Variants in RBMS3 observed in about 807,000 individuals in gnomAD.
The protein encoded by RBMS3 is RNA-binding motif, single-stranded-interacting protein 3.
A neutral mutation model predicts 66.8 loss-of-function variants in RBMS3; 27 were observed. That is an observed-to-expected ratio of 0.40 (90% CI 0.30 to 0.56). RBMS3 has a LOEUF of 0.56. Among genes scored for constraint, RBMS3 ranks in the 20% least tolerant of loss-of-function variants. The pLI, the probability that RBMS3 is intolerant of heterozygous loss-of-function variation, is 0.40. For missense variants in RBMS3, 513 were observed against 549.5 expected, an observed-to-expected ratio of 0.93 and a Z score of 0.66; for synonymous variants, 188 against 183.0, an observed-to-expected ratio of 1.03 and a Z score of -0.22.
intron 3 of RBMS3, among the ~76,000 whole-genome samples, chr3:29,574,828 AACACACACACAC>A (rs201818764): frequency 1.5e-3 from 224 of 146,954 alleles, no homozygotes; most frequent in African/African-American, 4.0e-3. Context: ...TGCATAAGAA[AACACACACACAC>A]ACACACACAC....
intron 10 of RBMS3, among the ~76,000 whole-genome samples, chr3:29,922,202 CAG>C (rs1205847066): frequency 6.6e-6 from 1 of 152,130 alleles, no homozygotes; most frequent in African/African-American, 2.4e-5. Flanking sequence ...CAAGATATAA[CAG>C]AGGCCGGGCA....
chr3:29,603,999 C>G (rs1448317389), intron 4 of RBMS3, among the ~76,000 whole-genome samples: 3 of 151,916 alleles, frequency 2.0e-5, no homozygotes, highest in Non-Finnish European at 4.4e-5. Flanking sequence ...TTGCTACTGG[C>G]ATCTGTTCGG....
chr3:29,988,740 C>G (rs1698608909), intron 13 of RBMS3, among the ~76,000 whole-genome samples: 1 of 151,482 alleles, frequency 6.6e-6, no homozygotes, highest in African/African-American at 2.4e-5. Flanking sequence ...CTGGGTCAAA[C>G]AGTCAAACAG....
chr3:29,726,015 C>A (rs970454281), intron 4 of RBMS3, among the ~76,000 whole-genome samples: 1 of 152,206 alleles, frequency 6.6e-6, no homozygotes, highest in Non-Finnish European at 1.5e-5. Flanking sequence ...CCACCACAAT[C>A]AAGTTGGCTT....
rs1491567884 is a variant in RBMS3 at position 29,527,181 on chromosome 3, T to TTAAAAAAAAAAAAAAAAAAAA, written c.307+38682_307+38683insTAAAAAAAAAAAAAAAAAAAA. On this transcript the variant is annotated intron_variant, in intron 3 of 14. Transcript: ENST00000383767. ...TTTCAGACGTGATTGTTAGGTAGAG[T>TTAAAAAAAAAAAAAAAAAAAA]AAAAAAAAAAAAAAAAAAAAAAAAA... is the stretch of plus-strand genomic sequence containing the variant. Among the ~76,000 whole-genome samples the TTAAAAAAAAAAAAAAAAAAAA allele has an allele frequency of 8.1e-4, 71 of 87,812 alleles. 9 individuals carry two copies. The highest frequency in any genetic ancestry group is 2.1e-3 in the African/African-American group (44 of 21,070). The allele number at this position is 87,812 out of a possible 152,430, so 57.6% of individuals were successfully genotyped here. A position where few individuals can be genotyped will look rare whatever the true frequency, so the allele number is the denominator to read the frequency against.
At chr3:29,942,795 G>A (rs2061423367) in intron 11 of RBMS3, among the ~76,000 whole-genome samples, 1 of 149,860 alleles carries the variant, frequency 6.7e-6, no homozygotes, top group Non-Finnish European at 1.5e-5. Flanking sequence ...TAGTAGCATG[G>A]TCCAATAATT....
chr3:29,470,655 T>C (rs1379301150), intron 2 of RBMS3, among the ~76,000 whole-genome samples: 2 of 152,030 alleles, frequency 1.3e-5, no homozygotes, highest in African/African-American at 4.8e-5. Flanking sequence ...AGTAGACATG[T>C]ACATTGGTAA....
intron 6 of RBMS3, among the ~76,000 whole-genome samples, chr3:29,763,413 G>C (rs1357637776): frequency 1.3e-5 from 2 of 152,038 alleles, no homozygotes; most frequent in African/African-American, 4.8e-5. Context: ...CACAGAAACT[G>C]AGAGAAAGCA....
At chr3:29,548,513 A>T (rs1340424209) in intron 3 of RBMS3, among the ~76,000 whole-genome samples, 2 of 151,958 alleles carry the variant, frequency 1.3e-5, no homozygotes, top group Non-Finnish European at 2.9e-5. Context: ...ATTAAAATAA[A>T]TATATATGAT....
chr3:29,682,142 ATGTTTGTT>A (rs201155024), intron 4 of RBMS3, among the ~76,000 whole-genome samples: 22 of 151,992 alleles, frequency 1.4e-4, no homozygotes, highest in African/African-American at 5.3e-4. Flanking sequence ...AGGCAATTAG[ATGTTTGTT>A]TGTTTGTTTG....
At chr3:29,412,473 A>G (rs2040305308) in intron 1 of RBMS3, among the ~76,000 whole-genome samples, 1 of 152,214 alleles carries the variant, frequency 6.6e-6, no homozygotes, top group East Asian at 1.9e-4. Context: ...CCATGTTTTC[A>G]TAGATACATA....
chr3:29,427,156 G>A (rs1404368839), intron 1 of RBMS3, among the ~76,000 whole-genome samples: 2 of 152,162 alleles, frequency 1.3e-5, no homozygotes, highest in Non-Finnish European at 2.9e-5. Flanking sequence ...CTAGCTTTGG[G>A]TAGGAAAAGA....
intron 7 of RBMS3, among the ~76,000 whole-genome samples, chr3:29,873,537 A>AG (rs1289828779): frequency 6.6e-6 from 1 of 152,268 alleles, no homozygotes; most frequent in East Asian, 1.9e-4. Context: ...GTCTGCAAAC[A>AG]GGGATAGTTT....
chr3:29,335,503 G>A (rs1293979085), intron 1 of RBMS3, among the ~76,000 whole-genome samples: 1 of 152,184 alleles, frequency 6.6e-6, no homozygotes, highest in Non-Finnish European at 1.5e-5. Context: ...AAAAGGGAAA[G>A]AAATTGCTAC....
intron 2 of RBMS3, among the ~76,000 whole-genome samples, chr3:29,435,784 C>T (rs974912348): frequency 6.6e-6 from 1 of 152,088 alleles, no homozygotes; most frequent in Non-Finnish European, 1.5e-5. Context: ...CCCATCCTGG[C>T]TAACACGGTG....
intron 2 of RBMS3, among the ~76,000 whole-genome samples, chr3:29,481,933 T>C (rs1184770473): frequency 1.3e-5 from 2 of 152,216 alleles, no homozygotes; most frequent in Non-Finnish European, 2.9e-5. Flanking sequence ...TACTATTTTA[T>C]TTCATTTTTA....
At chr3:29,379,152 C>T (rs2038639788) in intron 1 of RBMS3, among the ~76,000 whole-genome samples, 1 of 152,156 alleles carries the variant, frequency 6.6e-6, no homozygotes, top group South Asian at 2.1e-4. Context: ...GGGACATAGG[C>T]CCTCACATAC....
At chr3:29,394,886 C>T (rs748285695) in intron 1 of RBMS3, among the ~76,000 whole-genome samples, 1 of 152,096 alleles carries the variant, frequency 6.6e-6, no homozygotes, top group Non-Finnish European at 1.5e-5. Context: ...CTCTTTTCCA[C>T]TCCGCATTCC....
chr3:29,997,198 C>T (rs1159728030), intron 14 of RBMS3, among the ~76,000 whole-genome samples: 9 of 152,128 alleles, frequency 5.9e-5, no homozygotes, highest in Non-Finnish European at 1.2e-4. Context: ...GACACATACA[C>T]TCTCTCAAGA....
Sources: gnomAD v4.1 joint callset for allele counts (sites outside exome capture counted in the v4.1 genomes callset) on GRCh38, gnomAD v4.1.1 for gene constraint, MANE v1.5 for transcripts, NCBI Gene and HGNC (gene_info 2026-07-23, HGNC 2026-07-21) for gene names.